The following LIMCH1 variants were observed in gnomAD, a reference collection of about 807,000 sequenced individuals.
LIMCH1 encodes LIM and calponin homology domains-containing protein 1.
A neutral mutation model predicts 176.5 loss-of-function variants in LIMCH1; 113 were observed. The observed-to-expected ratio is 0.64, with a 90% CI of 0.55 to 0.75. The LOEUF is 0.75. Ranked by LOEUF, LIMCH1 falls within the 30% of genes least tolerant of loss-of-function variation. The probability of loss-of-function intolerance (pLI) is 0.00; values close to 1 mark genes in which losing one functional copy is unlikely to be tolerated. For synonymous variants in LIMCH1, 619 were observed against 645.9 expected, an observed-to-expected ratio of 0.96 and a Z score of 0.63; for missense variants, 1,674 against 1,814.9, an observed-to-expected ratio of 0.92 and a Z score of 1.41.
At chr4:41,454,940 ATGTG>A (rs761501125) in intron 1 of LIMCH1, among the ~76,000 whole-genome samples, 7,142 of 131,252 alleles carry the variant, frequency 0.054, 296 homozygotes, top group African/African-American at 0.13. Flanking sequence ...GTATGCGTAC[ATGTG>A]TGTGTGTGTG....
intron 1 of LIMCH1, among the ~76,000 whole-genome samples, chr4:41,481,645 G>A (rs1385127540): frequency 1.3e-5 from 2 of 152,054 alleles, no homozygotes; most frequent in Non-Finnish European, 2.9e-5. Flanking sequence ...GTGTCATAGC[G>A]TAGAGACAGA....
Position 41,494,482 on chromosome 4 carries a change from C to T in LIMCH1, c.97-54C>T, listed in dbSNP as rs191883154. ...ACACACACATATATATATGATTGGA[C>T]TTCTTGATTAAAAAAGAAAAACTTA... On this transcript the variant is annotated intron_variant, in intron 1 of 26. Transcript: ENST00000313860. 121 of 1,286,626 alleles carry T rather than the reference C, an allele frequency of 9.4e-5. No homozygotes were observed. In the African/African-American group the frequency reaches 1.6e-3, roughly 17 times the overall value. 79.7% of individuals were successfully genotyped at this position (1,286,626 alleles called of 1,614,324 possible).
chr4:41,609,838 A>G (rs1016733974), intron 4 of LIMCH1, among the ~76,000 whole-genome samples: 1 of 152,224 alleles, frequency 6.6e-6, no homozygotes, highest in African/African-American at 2.4e-5. Context: ...CTGTTGGTTT[A>G]TATCTTCTGC....
chr4:41,545,685 A>C (rs996925216), intron 1 of LIMCH1, among the ~76,000 whole-genome samples: 2 of 152,242 alleles, frequency 1.3e-5, no homozygotes, highest in African/African-American at 4.8e-5. Flanking sequence ...TGGTTATTTA[A>C]TCAATAAATG....
At chr4:41,540,770 AT>A (rs1231590655) in intron 1 of LIMCH1, among the ~76,000 whole-genome samples, 1 of 152,218 alleles carries the variant, frequency 6.6e-6, no homozygotes, top group Non-Finnish European at 1.5e-5. Context: ...ATGACGAATT[AT>A]TGCCAAGAGT....
At chr4:41,500,777 A>G (rs376189315) in intron 2 of LIMCH1, among the ~76,000 whole-genome samples, 49 of 152,332 alleles carry the variant, frequency 3.2e-4, no homozygotes, top group African/African-American at 1.0e-3. Flanking sequence ...AGAAGAGTAT[A>G]ACCATCAAGG....
intron 1 of LIMCH1, among the ~76,000 whole-genome samples, chr4:41,426,817 C>T (rs2061152830): frequency 6.6e-6 from 1 of 152,260 alleles, no homozygotes; most frequent in Non-Finnish European, 1.5e-5. Flanking sequence ...CTCATGTTTA[C>T]AGTTGACGTG....
In LIMCH1 at chr4:41,578,162, A is replaced by T. The variant is rs114678473; in HGVS notation, c.-240-20758A>T. On this transcript the variant is annotated intron_variant, in intron 1 of 31. Transcript: ENST00000503057. The stretch of plus-strand genomic sequence containing the variant: ...TTATAAGGAGGTTTAATTGACTCAC[A>T]GTTCTGCATGCTGAGGAAGCCTCAG... Among the ~76,000 whole-genome samples, 278 of 152,314 alleles carry T rather than the reference A, an allele frequency of 1.8e-3. 1 individual carries two copies. The highest frequency in any genetic ancestry group is 6.2e-3 in the African/African-American group (257 of 41,580).
chr4:41,660,811 A>G (rs1052790837), intron 18 of LIMCH1, among the ~76,000 whole-genome samples: 3 of 152,232 alleles, frequency 2.0e-5, no homozygotes, highest in African/African-American at 7.2e-5. Flanking sequence ...AAGTGGAGGA[A>G]AACAGGGTCC....
intron 1 of LIMCH1, among the ~76,000 whole-genome samples, chr4:41,482,494 G>A (rs77134371): frequency 0.026 from 3,904 of 152,206 alleles, 78 homozygotes; most frequent in Middle Eastern, 0.055. Context: ...GACTGGGAGA[G>A]GCAAGGGATC....
intron 2 of LIMCH1, among the ~76,000 whole-genome samples, chr4:41,501,857 CTTTTTTT>C (rs71198662): frequency 4.1e-4 from 31 of 74,976 alleles, no homozygotes; most frequent in Admixed American, 1.9e-3. Context: ...GTGTAGAATC[CTTTTTTT>C]TTTTTTTTTT....
chr4:41,434,771 C>T (rs985520996), intron 1 of LIMCH1, among the ~76,000 whole-genome samples: 4 of 152,192 alleles, frequency 2.6e-5, no homozygotes. Context: ...CCAGTCTTGG[C>T]CTCCCAAAGT....
intron 2 of LIMCH1, among the ~76,000 whole-genome samples, chr4:41,520,423 C>A (rs1013909378): frequency 2.6e-5 from 4 of 152,272 alleles, no homozygotes; most frequent in Non-Finnish European, 5.9e-5. Context: ...CAAATATGAC[C>A]TCCCTAGCAG....
intron 4 of LIMCH1, among the ~76,000 whole-genome samples, chr4:41,608,890 T>A (rs1054853209): frequency 2.0e-5 from 3 of 152,182 alleles, no homozygotes; most frequent in Non-Finnish European, 4.4e-5. Flanking sequence ...AACTCATTAT[T>A]TCTTCCTATA....
chr4:41,447,414 G>A (rs2063395399), intron 1 of LIMCH1, among the ~76,000 whole-genome samples: 1 of 152,130 alleles, frequency 6.6e-6, no homozygotes, highest in Non-Finnish European at 1.5e-5. Context: ...GACAAACCTT[G>A]GGCAGCAAAA....
intron 1 of LIMCH1, among the ~76,000 whole-genome samples, chr4:41,581,588 C>T (rs758181010): frequency 4.6e-5 from 7 of 151,916 alleles, no homozygotes; most frequent in Admixed American, 1.3e-4. Flanking sequence ...GGGTGGATCC[C>T]GAGGTCAAGA....
At chr4:41,593,920 A>T (rs1327424683) in intron 1 of LIMCH1, among the ~76,000 whole-genome samples, 1 of 152,218 alleles carries the variant, frequency 6.6e-6, no homozygotes, top group African/African-American at 2.4e-5. Flanking sequence ...ACAGGCAGAC[A>T]TACTCGCAAC....
intron 13 of LIMCH1, among the ~76,000 whole-genome samples, chr4:41,638,170 A>C (rs945852513): frequency 2.0e-5 from 3 of 151,968 alleles, no homozygotes; most frequent in African/African-American, 7.3e-5. Context: ...GTAATGTTCT[A>C]ATATTTTTCT....
chr4:41,607,833 A>G (rs188090199), intron 4 of LIMCH1, among the ~76,000 whole-genome samples: 2 of 152,322 alleles, frequency 1.3e-5, no homozygotes, highest in African/African-American at 2.4e-5. Flanking sequence ...CCCTGGATAC[A>G]TGACTCTTAG....
Sources: allele counts gnomAD v4.1 joint callset (sites outside exome capture counted in the v4.1 genomes callset), GRCh38; gene constraint gnomAD v4.1.1; transcripts MANE v1.5; gene names NCBI Gene and HGNC (gene_info 2026-07-23, HGNC 2026-07-21).